Variants in WNK1 observed in about 807,000 individuals in gnomAD.
WNK1 encodes serine/threonine-protein kinase WNK1.
WNK1 carries 38 observed loss-of-function variants against 222.8 expected under a neutral mutation model. That is an observed-to-expected ratio of 0.17 (90% confidence interval 0.13 to 0.22). WNK1 has a LOEUF of 0.22. Ranked by LOEUF, WNK1 falls within the 10% of genes least tolerant of loss-of-function variation. The pLI is 1.00. For missense variants in WNK1, 2,348 were observed against 2,918.4 expected, an observed-to-expected ratio of 0.80 and a Z score of 4.50; for synonymous variants, 1,090 against 1,092.9, an observed-to-expected ratio of 1.00 and a Z score of 0.05.
chr12:803,806 T>C (rs1393209332), intron 1 of WNK1, among the ~76,000 whole-genome samples: 1 of 152,168 alleles, frequency 6.6e-6, no homozygotes, highest in Non-Finnish European at 1.5e-5. Flanking sequence ...GAGGGACATA[T>C]ATATATTCCA....
intron 9 of WNK1, among the ~76,000 whole-genome samples, chr12:872,910 G>C (rs955255026): frequency 6.6e-6 from 1 of 152,184 alleles, no homozygotes; most frequent in Admixed American, 6.5e-5. Context: ...TGATTAGTTT[G>C]TTTATACATG....
intron 26 of WNK1, among the ~76,000 whole-genome samples, chr12:907,452 T>C (rs763099084): frequency 3.3e-5 from 5 of 152,248 alleles, no homozygotes; most frequent in Non-Finnish European, 5.9e-5. Flanking sequence ...AAACCTCTTT[T>C]TCCCTGCATT....
chr12:883,151 GT>G (rs1391672334), intron 15 of WNK1, 92 bp downstream of exon 15: 8 of 1,087,970 alleles, frequency 7.4e-6, no homozygotes, highest in Admixed American at 5.1e-5. Flanking sequence ...TATAATCCAT[GT>G]TTTTTTAAAG....
At chr12:899,858 T>TAAA (rs61365891) in intron 25 of WNK1, among the ~76,000 whole-genome samples, 3 of 148,590 alleles carry the variant, frequency 2.0e-5, no homozygotes, top group African/African-American at 4.9e-5. Flanking sequence ...TCTAATAGGG[T>TAAA]AAAAAAAAAA....
intron 1 of WNK1, among the ~76,000 whole-genome samples, chr12:803,338 T>C (rs866270719): frequency 1.4e-4 from 22 of 152,286 alleles, no homozygotes; most frequent in African/African-American, 5.3e-4. Flanking sequence ...AAAATCAAAG[T>C]GCAAAACAGT....
intron 10 of WNK1, among the ~76,000 whole-genome samples, chr12:878,999 T>C (rs1330059940): frequency 6.6e-6 from 1 of 152,146 alleles, no homozygotes; most frequent in African/African-American, 2.4e-5. Flanking sequence ...ATAAAGTAGA[T>C]CCCAATTTCT....
At chr12:769,162 A>G (rs1488520838) in intron 1 of WNK1, among the ~76,000 whole-genome samples, 2 of 152,250 alleles carry the variant, frequency 1.3e-5, no homozygotes, top group East Asian at 1.9e-4. Context: ...AATACTTTCA[A>G]ACATAACAGT....
Position 757,808 on chromosome 12 carries a change from C to A in WNK1, c.759+3484C>A, listed in dbSNP as rs913181524. 3.4e-5 allele frequency among the ~76,000 whole-genome samples: 5 copies of A among 146,786 alleles called. 1 individual carries two copies. Among genetic ancestry groups the A allele is most frequent in the Non-Finnish European group, 7.6e-5 (5 of 65,738 alleles). On this transcript the variant is annotated intron_variant, in intron 1 of 27. Transcript: ENST00000315939. ...ATCCCAGCACTTTGGGAGGCCGAGG[C>A]GGGTGGATCACGCGGTCAGGAGTTC...
At chr12:888,374 T>A (rs1316502879) in intron 20 of WNK1, among the ~76,000 whole-genome samples, 1 of 152,216 alleles carries the variant, frequency 6.6e-6, no homozygotes, top group Non-Finnish European at 1.5e-5. Flanking sequence ...TTAAACTTAT[T>A]TTCTCATTTA....
chr12:868,655 T>A (rs751347707), intron 8 of WNK1: 1 of 1,613,986 alleles, frequency 6.2e-7, no homozygotes, highest in Non-Finnish European at 8.5e-7. Context: ...ACCAAGCTCC[T>A]CTTCAGGAGA....
intron 1 of WNK1, among the ~76,000 whole-genome samples, chr12:776,899 G>A (rs1943166778): frequency 6.6e-6 from 1 of 152,174 alleles, no homozygotes. Flanking sequence ...ATAGTGCTAT[G>A]TTTGAGTCAT....
rs1185210528 is a variant in WNK1, at chr12:808,606, G to GTGGCT, written c.760-5034_760-5030dup. Among the ~76,000 whole-genome samples the GTGGCT allele has an allele frequency of 4.6e-5, 7 of 151,936 alleles. No individual in the cohort carries two copies. The East Asian group carries it at 1.4e-3, about 29-fold the overall frequency. On this transcript the variant is annotated intron_variant, in intron 1 of 27. Transcript: ENST00000315939. ...AGTCCCAGGTATTTTGGAATCCCAT[G>GTGGCT]TGGCTTTTGTGCCCTCCAAAGAGAG...
At chr12:786,418 T>C (rs1160643978) in intron 1 of WNK1, among the ~76,000 whole-genome samples, 1 of 152,190 alleles carries the variant, frequency 6.6e-6, no homozygotes, top group African/African-American at 2.4e-5. Flanking sequence ...CATTCCCTTT[T>C]TATATTGTCA....
In WNK1 at chr12:772,886, T is replaced by A. The variant is rs144169762; in HGVS notation, c.759+18562T>A. 9.2e-4 allele frequency among the ~76,000 whole-genome samples: 140 copies of A among 152,328 alleles called. 2 individuals carry two copies. The highest frequency in any genetic ancestry group is 7.7e-3 in the South Asian group (37 of 4,832). On this transcript the variant is annotated intron_variant, in intron 1 of 27. Transcript: ENST00000315939. ...ATAATTTGGGGTATTATCAGTAGTT[T>A]GTTTTTAGAACAGTGGTACTGTGTG...
intron 1 of WNK1, among the ~76,000 whole-genome samples, chr12:784,767 G>A (rs1944102550): frequency 6.6e-6 from 1 of 152,132 alleles, no homozygotes; most frequent in Non-Finnish European, 1.5e-5. Context: ...TGCATTCTAG[G>A]TTGATGCTTA....
chr12:839,971 G>A lies in WNK1; in HGVS notation c.1311+9811G>A, dbSNP rs955081054. ...TCGAACTCCTGACCTCAAGTGATCCGCCCACCTCGGCCCCCAAAGTGCTGG... is the reference window on the plus strand; with the variant it reads ...TCGAACTCCTGACCTCAAGTGATCCACCCACCTCGGCCCCCAAAGTGCTGG... On this transcript the variant is annotated intron_variant, in intron 4 of 27. Coordinates refer to ENST00000315939, the MANE Select transcript of WNK1 (RefSeq NM_018979.4). 5.9e-4 allele frequency among the ~76,000 whole-genome samples: 84 copies of A among 142,448 alleles called. 1 individual carries two copies. The highest frequency in any genetic ancestry group is 5.4e-3 in the Admixed American group (75 of 13,936). The allele number at this position is 142,448 out of a possible 152,430, so 93.5% of individuals were successfully genotyped here.
At chr12:772,843 C>T (rs890378128) in intron 1 of WNK1, among the ~76,000 whole-genome samples, 1 of 152,090 alleles carries the variant, frequency 6.6e-6, no homozygotes, top group Non-Finnish European at 1.5e-5. Flanking sequence ...GCAAGAAAGT[C>T]CATTCACTGC....
Position 894,627 on chromosome 12 carries a change from C to T in WNK1, c.5575C>T (p.Arg1859Ter), listed in dbSNP as rs182399931. ...AGGAGCTGGTGTTTTTAAGATGGGA[C>T]GATTTCAGGTAAGACAGTCACTTTG... ...SSGAGVFKMG[R>*]FQVSVAADGA... Residue 1859 changes from arginine to a stop codon, truncating the protein, a stop_gained, in exon 23 of 28, where the codon CGA becomes TGA. Coordinates refer to ENST00000315939, the MANE Select transcript of WNK1 (RefSeq NM_018979.4). LOFTEE classifies it high-confidence loss of function. The T allele has an allele frequency of 1.2e-6, 2 of 1,613,714 alleles. No individual in the cohort carries two copies. The highest frequency in any genetic ancestry group is 1.7e-6 in the Non-Finnish European group (2 of 1,179,856).
At chr12:763,653 A>C (rs546600771) in intron 1 of WNK1, among the ~76,000 whole-genome samples, 1 of 147,676 alleles carries the variant, frequency 6.8e-6, no homozygotes, top group African/African-American at 2.4e-5. Flanking sequence ...ATTTTTGGAC[A>C]GTGGGAAGTG....
Sources: gnomAD v4.1 joint callset for allele counts (sites outside exome capture counted in the v4.1 genomes callset) on GRCh38, gnomAD v4.1.1 for gene constraint, MANE v1.5 for transcripts, NCBI Gene and HGNC (gene_info 2026-07-23, HGNC 2026-07-21) for gene names.